Variants in SCYGR4 observed in about 807,000 individuals in gnomAD.
SCYGR4 encodes small cysteine and glycine repeat-containing protein 4.
chr2:227,617,560 T>C lies in SCYGR4; in HGVS notation c.63T>C (p.Gly21=). The C allele has an allele frequency of 2.4e-6, 1 of 415,600 alleles. No homozygotes were observed. The highest frequency in any genetic ancestry group is 4.2e-6 in the Non-Finnish European group (1 of 238,508). The allele number at this position is 415,600 out of a possible 1,614,324, so 25.7% of individuals were successfully genotyped here. A position where few individuals can be genotyped will look rare whatever the true frequency, so the allele number is the denominator to read the frequency against. ...GTGGCCGCTGCGGTGGTGGCTGTGGTGGTGGCTGCAGTGGTGGCTGCGGTG... is the reference window on the plus strand; with the variant it reads ...GTGGCCGCTGCGGTGGTGGCTGTGGCGGTGGCTGCAGTGGTGGCTGCGGTG... The change falls in exon 1 of 1, where the codon GGT becomes GGC. Residue 21 remains glycine (G), a synonymous_variant. Coordinates refer to ENST00000641801, the Ensembl canonical transcript of SCYGR4. The surrounding 1 kb of genome is among the most constrained non-coding windows in gnomAD (Gnocchi z 4.1).
rs1476350057 is a variant in SCYGR4 at position 227,617,783 on chromosome 2, A to AAATGCTGCTGCCAGAAGC, written c.298_315dup (p.Gln100_Cys105dup). The AAATGCTGCTGCCAGAAGC allele has an allele frequency of 5.0e-6, 2 of 399,858 alleles. No individual in the cohort carries two copies. The highest frequency in any genetic ancestry group is 8.8e-6 in the Non-Finnish European group (2 of 227,018). The allele number at this position is 399,858 out of a possible 1,614,324, so 24.8% of individuals were successfully genotyped here. A position where few individuals can be genotyped will look rare whatever the true frequency, so the allele number is the denominator to read the frequency against. ...CTATGGGAAGGGCTGTTGCCAACAG[A>AAATGCTGCTGCCAGAAGC]AATGCTGCTGCCAGAAGCAATGCTG... On this transcript the variant is annotated inframe_insertion, in exon 1 of 1. Transcript: ENST00000641801. This position sits in a 1 kb window ranked among gnomAD's most constrained non-coding sequence, Gnocchi z 4.1.
rs368049613 is a variant in SCYGR4, at chr2:227,617,646, G to A, written c.149G>A (p.Arg50Gln). The A allele has an allele frequency of 2.0e-3, 799 of 403,090 alleles. 7 individuals carry two copies. Among genetic ancestry groups the A allele is most frequent in the African/African-American group, 0.014 (664 of 48,786 alleles). The allele number at this position is 403,090 out of a possible 1,614,324, so 25.0% of individuals were successfully genotyped here. ...AGCTGCACCACCTGCAGGTGCTACCGGGTGGGCTGCTGCTCCAGCTGCTGC... is the reference window on the plus strand; with the variant it reads ...AGCTGCACCACCTGCAGGTGCTACCAGGTGGGCTGCTGCTCCAGCTGCTGC... Residue 50 changes from arginine to glutamine, a missense_variant, in exon 1 of 1, where the codon CGG (arginine) becomes CAG (glutamine). Arg to Gln is a conservative substitution (Grantham distance 43). Coordinates refer to ENST00000641801, the Ensembl canonical transcript of SCYGR4. This position sits in a 1 kb window ranked among gnomAD's most constrained non-coding sequence, Gnocchi z 4.1.
rs1040888700 is a variant in SCYGR4 at position 227,617,546 on chromosome 2, G to A, written c.49G>A (p.Gly17Ser). 14 of 400,400 alleles carry A rather than the reference G, an allele frequency of 3.5e-5. No individual in the cohort carries two copies. Among genetic ancestry groups the A allele is most frequent in the African/African-American group, 2.4e-4 (11 of 46,616 alleles). The allele number at this position is 400,400 out of a possible 1,614,324, so 24.8% of individuals were successfully genotyped here. A position where few individuals can be genotyped will look rare whatever the true frequency, so the allele number is the denominator to read the frequency against. Residue 17 changes from glycine (G) to serine (S), a missense_variant, in exon 1 of 1, where the codon GGT (glycine) becomes AGT (serine). Transcript: ENST00000641801. The surrounding 1 kb of genome is among the most constrained non-coding windows in gnomAD (Gnocchi z 4.1). ...TTGTGGTGGCTGTGGTGGCCGCTGC[G>A]GTGGTGGCTGTGGTGGTGGCTGCAG...
rs1172418624 is a variant in SCYGR4, at chr2:227,617,565, G to C, written c.68G>C (p.Gly23Ala). 3 of 414,922 alleles carry C rather than the reference G, an allele frequency of 7.2e-6. No individual in the cohort carries two copies. The highest frequency in any genetic ancestry group is 2.1e-5 in the African/African-American group (1 of 48,576). 25.7% of individuals were successfully genotyped at this position (414,922 alleles called of 1,614,324 possible). A position where few individuals can be genotyped will look rare whatever the true frequency, so the allele number is the denominator to read the frequency against. The stretch of plus-strand genomic sequence containing the variant: ...CGCTGCGGTGGTGGCTGTGGTGGTG[G>C]CTGCAGTGGTGGCTGCGGTGGTGGC... Residue 23 changes from glycine to alanine, a missense_variant, in exon 1 of 1, where the codon GGC becomes GCC. Coordinates refer to ENST00000641801, the Ensembl canonical transcript of SCYGR4. This position sits in a 1 kb window ranked among gnomAD's most constrained non-coding sequence, Gnocchi z 4.1.
Position 227,617,531 on chromosome 2 carries a change from T to C in SCYGR4, c.34T>C (p.Cys12Arg). 2.4e-6 allele frequency: 1 copy of C among 413,366 alleles called. No homozygotes were observed. The highest frequency in any genetic ancestry group is 4.2e-6 in the Non-Finnish European group (1 of 236,708). 25.6% of individuals were successfully genotyped at this position (413,366 alleles called of 1,614,324 possible). The stretch of plus-strand genomic sequence containing the variant: ...CTGTGGTTGTGGAAGTTGTGGTGGC[T>C]GTGGTGGCCGCTGCGGTGGTGGCTG... Residue 12 changes from cysteine (C) to arginine (R), a missense_variant, in exon 1 of 1, where the codon TGT becomes CGT. Physicochemically the swap from Cys to Arg is radical, Grantham distance 180. Transcript: ENST00000641801. This position sits in a 1 kb window ranked among gnomAD's most constrained non-coding sequence, Gnocchi z 4.1.
rs535161600 is a variant in SCYGR4, at chr2:227,617,668, C to T, written c.171C>T (p.Cys57=). Residue 57 remains cysteine, a synonymous_variant, in exon 1 of 1, where the codon TGC becomes TGT. Coordinates refer to ENST00000641801, the Ensembl canonical transcript of SCYGR4. The surrounding 1 kb of genome is among the most constrained non-coding windows in gnomAD (Gnocchi z 4.1). ...ACCGGGTGGGCTGCTGCTCCAGCTG[C>T]TGCCCCTGCTGCCGCGGCTGCTGTG... 2.5e-4 allele frequency: 99 copies of T among 401,226 alleles called. No homozygotes were observed. Among genetic ancestry groups the T allele is most frequent in the African/African-American group, 1.8e-3 (90 of 48,776 alleles). 24.9% of individuals were successfully genotyped at this position (401,226 alleles called of 1,614,324 possible).
Position 227,617,594 on chromosome 2 carries a change from G to GGTGGTGGCT in SCYGR4, c.105_113dup (p.Cys36_Gly38dup), listed in dbSNP as rs1444394735. ...CAGTGGTGGCTGCGGTGGTGGCTGC[G>GGTGGTGGCT]GTGGTGGCTGTGGTGGTGGCTGTGG... On this transcript the variant is annotated inframe_insertion, in exon 1 of 1. Coordinates refer to ENST00000641801, the Ensembl canonical transcript of SCYGR4. This position sits in a 1 kb window ranked among gnomAD's most constrained non-coding sequence, Gnocchi z 4.1. 3.1e-6 allele frequency: 1 copy of GGTGGTGGCT among 322,780 alleles called. No individual in the cohort carries two copies. The highest frequency in any genetic ancestry group is 5.2e-6 in the Non-Finnish European group (1 of 190,934). 20.0% of individuals were successfully genotyped at this position (322,780 alleles called of 1,614,324 possible).
rs1693959265 is a variant in SCYGR4, at chr2:227,617,614, C to T, written c.117C>T (p.Gly39=). The T allele has an allele frequency of 4.9e-6, 2 of 405,886 alleles. No individual in the cohort carries two copies. Among genetic ancestry groups the T allele is most frequent in the Non-Finnish European group, 8.6e-6 (2 of 232,052 alleles). The allele number at this position is 405,886 out of a possible 1,614,324, so 25.1% of individuals were successfully genotyped here. A position where few individuals can be genotyped will look rare whatever the true frequency, so the allele number is the denominator to read the frequency against. The stretch of plus-strand genomic sequence containing the variant: ...GCTGCGGTGGTGGCTGTGGTGGTGG[C>T]TGTGGCAGCTGCACCACCTGCAGGT... The change falls in exon 1 of 1, where the codon GGC becomes GGT. Residue 39 remains glycine, a synonymous_variant. Coordinates refer to ENST00000641801, the Ensembl canonical transcript of SCYGR4. This position sits in a 1 kb window ranked among gnomAD's most constrained non-coding sequence, Gnocchi z 4.1.
rs1412468351 is a variant in SCYGR4, at chr2:227,617,695, A to G, written c.198A>G (p.Gly66=). ...GCCCCTGCTGCCGCGGCTGCTGTGG[A>G]GGCTGCTGCAGCACTCCCGTGATCT... Residue 66 remains glycine (G), a synonymous_variant, in exon 1 of 1, where the codon GGA becomes GGG. Coordinates refer to ENST00000641801, the Ensembl canonical transcript of SCYGR4. This position sits in a 1 kb window ranked among gnomAD's most constrained non-coding sequence, Gnocchi z 4.1. 4.2e-5 allele frequency: 17 copies of G among 400,336 alleles called. No homozygotes were observed. Among genetic ancestry groups the G allele is most frequent in the Non-Finnish European group, 7.0e-5 (16 of 227,208 alleles). The allele number at this position is 400,336 out of a possible 1,614,324, so 24.8% of individuals were successfully genotyped here. A position where few individuals can be genotyped will look rare whatever the true frequency, so the allele number is the denominator to read the frequency against.
In SCYGR4 at chr2:227,617,792, T is replaced by C. The variant is rs1425090219; in HGVS notation, c.295T>C (p.Cys99Arg). The change falls in exon 1 of 1, where the codon TGC (cysteine) becomes CGC (arginine). Residue 99 changes from cysteine (C) to arginine (R), a missense_variant. By Grantham distance (180) the Cys-to-Arg change is radical. Transcript: ENST00000641801. This position sits in a 1 kb window ranked among gnomAD's most constrained non-coding sequence, Gnocchi z 4.1. ...GGGCTGTTGCCAACAGAAATGCTGC[T>C]GCCAGAAGCAATGCTGCTGCTAGGC... 5.0e-6 allele frequency: 2 copies of C among 399,670 alleles called. No homozygotes were observed. Among genetic ancestry groups the C allele is most frequent in the East Asian group, 7.1e-5 (2 of 28,092 alleles). 24.8% of individuals were successfully genotyped at this position (399,670 alleles called of 1,614,324 possible).
Position 227,617,799 on chromosome 2 carries a change from A to T in SCYGR4, c.302A>T (p.Lys101Met), listed in dbSNP as rs904766884. The T allele has an allele frequency of 7.5e-6, 3 of 399,620 alleles. No individual in the cohort carries two copies. Among genetic ancestry groups the T allele is most frequent in the African/African-American group, 6.2e-5 (3 of 48,650 alleles). 24.8% of individuals were successfully genotyped at this position (399,620 alleles called of 1,614,324 possible). The stretch of plus-strand genomic sequence containing the variant: ...TGCCAACAGAAATGCTGCTGCCAGA[A>T]GCAATGCTGCTGCTAGGCGGGCCCC... Residue 101 changes from lysine to methionine, a missense_variant, in exon 1 of 1, where the codon AAG becomes ATG. Lys to Met is a moderately conservative substitution (Grantham distance 95). Coordinates refer to ENST00000641801, the Ensembl canonical transcript of SCYGR4. This position sits in a 1 kb window ranked among gnomAD's most constrained non-coding sequence, Gnocchi z 4.1.
In SCYGR4 at chr2:227,617,581, C is replaced by CGGTGGTGGCTGCAGTGGTGGCTGT. The variant is rs1693958251; in HGVS notation, c.96_97insAGTGGTGGCTGTGGTGGTGGCTGC (p.Ser25_Cys32dup). On this transcript the variant is annotated inframe_insertion, in exon 1 of 1. Transcript: ENST00000641801. The surrounding 1 kb of genome is among the most constrained non-coding windows in gnomAD (Gnocchi z 4.1). ...GTGGTGGTGGCTGCAGTGGTGGCTG[C>CGGTGGTGGCTGCAGTGGTGGCTGT]GGTGGTGGCTGCGGTGGTGGCTGTG... 4.8e-5 allele frequency: 20 copies of CGGTGGTGGCTGCAGTGGTGGCTGT among 412,702 alleles called. 1 individual carries two copies. The highest frequency in any genetic ancestry group is 4.7e-5 in the Non-Finnish European group (11 of 236,042). The allele number at this position is 412,702 out of a possible 1,614,324, so 25.6% of individuals were successfully genotyped here.
Position 227,617,545 on chromosome 2 carries a change from C to CGGTGGTGGCTGT in SCYGR4, c.60_71dup (p.Gly21_Cys24dup). The stretch of plus-strand genomic sequence containing the variant: ...GTTGTGGTGGCTGTGGTGGCCGCTG[C>CGGTGGTGGCTGT]GGTGGTGGCTGTGGTGGTGGCTGCA... On this transcript the variant is annotated inframe_insertion, in exon 1 of 1. Coordinates refer to ENST00000641801, the Ensembl canonical transcript of SCYGR4. The surrounding 1 kb of genome is among the most constrained non-coding windows in gnomAD (Gnocchi z 4.1). 2.5e-6 allele frequency: 1 copy of CGGTGGTGGCTGT among 400,228 alleles called. No individual in the cohort carries two copies. The highest frequency in any genetic ancestry group is 4.3e-6 in the Non-Finnish European group (1 of 230,654). The allele number at this position is 400,228 out of a possible 1,614,324, so 24.8% of individuals were successfully genotyped here.
At position 227,617,530 on chromosome 2, in the gene SCYGR4, C is replaced by A. The variant is rs1023020454; in HGVS notation, c.33C>A (p.Gly11=). ...GCTGTGGTTGTGGAAGTTGTGGTGG[C>A]TGTGGTGGCCGCTGCGGTGGTGGCT... is the stretch of plus-strand genomic sequence containing the variant. Residue 11 remains glycine, a synonymous_variant, in exon 1 of 1, where the codon GGC becomes GGA. Coordinates refer to ENST00000641801, the Ensembl canonical transcript of SCYGR4. This position sits in a 1 kb window ranked among gnomAD's most constrained non-coding sequence, Gnocchi z 4.1. The A allele has an allele frequency of 2.4e-5, 10 of 413,226 alleles. No individual in the cohort carries two copies. The highest frequency in any genetic ancestry group is 4.4e-5 in the Admixed American group (1 of 22,874). The allele number at this position is 413,226 out of a possible 1,614,324, so 25.6% of individuals were successfully genotyped here.
rs1264239731 is a variant in SCYGR4 at position 227,617,558 on chromosome 2, G to GGTGGTGGCTGCA, written c.73_84dup (p.Ser25_Cys28dup). 19 of 414,726 alleles carry GGTGGTGGCTGCA rather than the reference G, an allele frequency of 4.6e-5. No homozygotes were observed. The highest frequency in any genetic ancestry group is 2.8e-4 in the East Asian group (8 of 28,444). 25.7% of individuals were successfully genotyped at this position (414,726 alleles called of 1,614,324 possible). A position where few individuals can be genotyped will look rare whatever the true frequency, so the allele number is the denominator to read the frequency against. ...TGGTGGCCGCTGCGGTGGTGGCTGT[G>GGTGGTGGCTGCA]GTGGTGGCTGCAGTGGTGGCTGCGG... On this transcript the variant is annotated inframe_insertion, in exon 1 of 1. Transcript: ENST00000641801. The surrounding 1 kb of genome is among the most constrained non-coding windows in gnomAD (Gnocchi z 4.1).
rs1444138291 is a variant in SCYGR4, at chr2:227,617,599, T to C, written c.102T>C (p.Gly34=). ...GTGGCTGCGGTGGTGGCTGCGGTGG[T>C]GGCTGTGGTGGTGGCTGTGGCAGCT... Residue 34 remains glycine (G), a synonymous_variant, in exon 1 of 1, where the codon GGT becomes GGC. Coordinates refer to ENST00000641801, the Ensembl canonical transcript of SCYGR4. This position sits in a 1 kb window ranked among gnomAD's most constrained non-coding sequence, Gnocchi z 4.1. 2.2e-5 allele frequency: 7 copies of C among 321,518 alleles called. No homozygotes were observed. The highest frequency in any genetic ancestry group is 4.1e-5 in the East Asian group (1 of 24,368). 19.9% of individuals were successfully genotyped at this position (321,518 alleles called of 1,614,324 possible).
In SCYGR4 at chr2:227,617,728, C is replaced by A. The variant is rs1476700095; in HGVS notation, c.231C>A (p.Cys77Ter). Reference sequence around the variant, plus strand: ...GCAGCACTCCCGTGATCTGCTGCTGCCGCCGCACCTGCGGCTCGTGTGGCT... The same window carrying A: ...GCAGCACTCCCGTGATCTGCTGCTGACGCCGCACCTGCGGCTCGTGTGGCT... Residue 77 changes from cysteine to a stop codon, truncating the protein, a stop_gained, in exon 1 of 1, where the codon TGC becomes TGA. Transcript: ENST00000641801. LOFTEE classifies it high-confidence loss of function. The surrounding 1 kb of genome is among the most constrained non-coding windows in gnomAD (Gnocchi z 4.1). The A allele has an allele frequency of 4.5e-5, 18 of 399,746 alleles. No homozygotes were observed. The highest frequency in any genetic ancestry group is 7.1e-5 in the Non-Finnish European group (16 of 226,826). The allele number at this position is 399,746 out of a possible 1,614,324, so 24.8% of individuals were successfully genotyped here.
At position 227,617,785 on chromosome 2, in the gene SCYGR4, A is replaced by G; in HGVS notation, c.288A>G (p.Lys96=). The change falls in exon 1 of 1, where the codon AAA becomes AAG. Residue 96 remains lysine, a synonymous_variant. Transcript: ENST00000641801. This position sits in a 1 kb window ranked among gnomAD's most constrained non-coding sequence, Gnocchi z 4.1. The stretch of plus-strand genomic sequence containing the variant: ...ATGGGAAGGGCTGTTGCCAACAGAA[A>G]TGCTGCTGCCAGAAGCAATGCTGCT... 5.0e-6 allele frequency: 2 copies of G among 399,816 alleles called. No homozygotes were observed. Among genetic ancestry groups the G allele is most frequent in the Middle Eastern group, 6.3e-4 (1 of 1,592 alleles). The allele number at this position is 399,816 out of a possible 1,614,324, so 24.8% of individuals were successfully genotyped here. A position where few individuals can be genotyped will look rare whatever the true frequency, so the allele number is the denominator to read the frequency against.
In SCYGR4 at chr2:227,617,524, T is replaced by C. The variant is rs6747455; in HGVS notation, c.27T>C (p.Cys9=). 193,355 of 411,346 alleles carry C rather than the reference T, an allele frequency of 0.47. 46,678 individuals carry two copies. The highest frequency in any genetic ancestry group is 0.51 in the Non-Finnish European group (119,753 of 235,272). 25.5% of individuals were successfully genotyped at this position (411,346 alleles called of 1,614,324 possible). A position where few individuals can be genotyped will look rare whatever the true frequency, so the allele number is the denominator to read the frequency against. ...TGGGTTGCTGTGGTTGTGGAAGTTG[T>C]GGTGGCTGTGGTGGCCGCTGCGGTG... is the stretch of plus-strand genomic sequence containing the variant. The change falls in exon 1 of 1, where the codon TGT becomes TGC. Residue 9 remains cysteine (C), a synonymous_variant. Transcript: ENST00000641801. This position sits in a 1 kb window ranked among gnomAD's most constrained non-coding sequence, Gnocchi z 4.1.
Sources: gnomAD v4.1 joint callset for allele counts on GRCh38, gnomAD v4.1.1 for gene constraint, Gnocchi (gnomAD v3.1) non-coding constraint, MANE v1.5 for transcripts, NCBI Gene and HGNC (gene_info 2026-07-23, HGNC 2026-07-21) for gene names.